HEMGN: variants seen among roughly 807,000 people sequenced by gnomAD.
HEMGN encodes erythroid differentiation-associated gene protein.
HEMGN carries 32 observed loss-of-function variants against 45.7 expected under a neutral mutation model. The observed-to-expected ratio is 0.70, with a 90% CI of 0.53 to 0.94. The LOEUF is 0.94. Ranked by LOEUF, HEMGN falls within the 40% of genes least tolerant of loss-of-function variation. The pLI, the probability that HEMGN is intolerant of heterozygous loss-of-function variation, is 0.00. For synonymous variants in HEMGN, 183 were observed against 178.6 expected, an observed-to-expected ratio of 1.02 and a Z score of -0.20; for missense variants, 530 against 564.2, an observed-to-expected ratio of 0.94 and a Z score of 0.61.
upstream of HEMGN, among the ~76,000 whole-genome samples, chr9:97,940,261 T>C (rs1236314567): frequency 3.9e-5 from 6 of 152,158 alleles, no homozygotes; most frequent in Non-Finnish European, 8.8e-5. Context: ...TGTAGGCTCA[T>C]AGAGGAGAAA....
At position 97,936,152 on chromosome 9, in the gene HEMGN, C is replaced by T; in HGVS notation, c.173+19G>A. 1 of 1,529,248 alleles carries T rather than the reference C, an allele frequency of 6.5e-7. No homozygotes were observed. The allele number at this position is 1,529,248 out of a possible 1,614,324, so 94.7% of individuals were successfully genotyped here. A position where few individuals can be genotyped will look rare whatever the true frequency, so the allele number is the denominator to read the frequency against. On this transcript the variant is annotated intron_variant, in intron 2 of 3. Transcript: ENST00000616898. ...TCAATAAATATATTAGTTCCCTTTC[C>T]CTTGTGATGCTACCATACCCAAATA...
At chr9:97,931,999 G>A (rs1336996052) in intron 2 of HEMGN, among the ~76,000 whole-genome samples, 2 of 152,148 alleles carry the variant, frequency 1.3e-5, no homozygotes, top group Non-Finnish European at 2.9e-5. Flanking sequence ...GGGGCTGGGG[G>A]CTGGGGGAAG....
At chr9:97,943,830 G>A (rs75994805) in intron 1 of HEMGN, among the ~76,000 whole-genome samples, 1 of 151,988 alleles carries the variant, frequency 6.6e-6, no homozygotes, top group African/African-American at 2.4e-5. Flanking sequence ...AATCATCAAT[G>A]ATTTCCTAAT....
At chr9:97,941,676 G>T (rs117913632), upstream of HEMGN, among the ~76,000 whole-genome samples, 363 of 152,354 alleles carry the variant, frequency 2.4e-3, 2 homozygotes, top group Middle Eastern at 0.027. Context: ...AGATCAGGAA[G>T]ATTGGGAGAA....
chr9:97,936,188 T>C lies in HEMGN; in HGVS notation c.156A>G (p.Thr52=). The C allele has an allele frequency of 6.2e-7, 1 of 1,611,718 alleles. No individual in the cohort carries two copies. Residue 52 remains threonine, a synonymous_variant, in exon 2 of 4, where the codon ACA becomes ACG. Transcript: ENST00000616898. ...TACCATACCCAAATAGCCATTGTGA[T>C]GTTTCCTTTTCATGCACTTCAGCTT... ...KRKAEVHEKE[T]SQWLFGEQKK... is the part of the protein sequence containing the mutation.
At position 97,931,023 on chromosome 9, in the gene HEMGN, C is replaced by T. The variant is rs755555750; in HGVS notation, c.372G>A (p.Pro124=). The change falls in exon 3 of 4, where the codon CCG becomes CCA. Residue 124 remains proline (P), a synonymous_variant. Coordinates refer to ENST00000616898, the MANE Select transcript of HEMGN (RefSeq NM_197978.3). ...ITKVFPSVAS[P]QKVVPEEHFS... ...AGTGTTCCTCAGGCACAACTTTTTG[C>T]GGGGAGGCTACTGAAGGAAATACTT... The T allele has an allele frequency of 6.2e-6, 10 of 1,613,914 alleles. No individual in the cohort carries two copies. The highest frequency in any genetic ancestry group is 4.0e-5 in the African/African-American group (3 of 74,888).
At chr9:97,937,904 A>G (rs1827090409) in intron 1 of HEMGN, among the ~76,000 whole-genome samples, 154 bp downstream of exon 1, 2 of 151,904 alleles carry the variant, frequency 1.3e-5, no homozygotes, top group Non-Finnish European at 2.9e-5. Context: ...TTGTTTTACC[A>G]CAGCCATCGA....
chr9:97,927,435 A>G lies in HEMGN; in HGVS notation c.1404T>C (p.Ile468=), dbSNP rs753169450. 4.2e-5 allele frequency: 67 copies of G among 1,610,576 alleles called. No individual in the cohort carries two copies. The South Asian group carries it at 6.7e-4, about 16-fold the overall frequency. ...KPKEEPGIPA[I]LNESHPENDV... ...CATTTTCTGGATGACTCTCATTCAG[A>G]ATTGCTGGTATTCCTGGCTCTTCTT... Residue 468 remains isoleucine, a synonymous_variant, in exon 4 of 4, where the codon ATT becomes ATC. Transcript: ENST00000616898.
chr9:97,934,170 A>T, intron 2 of HEMGN, among the ~76,000 whole-genome samples: 1 of 152,022 alleles, frequency 6.6e-6, no homozygotes, highest in East Asian at 1.9e-4. Flanking sequence ...ATCATGGCGA[A>T]ACCCCGTCTC....
Position 97,930,098 on chromosome 9 carries a change from G to T in HEMGN, c.1297C>A (p.Pro433Thr). The change falls in exon 3 of 4, where the codon CCC becomes ACC. Residue 433 changes from proline to threonine, a missense_variant. By Grantham distance (38) the Pro-to-Thr change is conservative. Coordinates refer to ENST00000616898, the MANE Select transcript of HEMGN (RefSeq NM_197978.3). Reference protein sequence around the residue: ...FPEPHQETGGPQGQDPKAHQE... With the variant: ...FPEPHQETGGTQGQDPKAHQE... ...TGTGCTTTAGGATCCTGGCCTTGGG[G>T]CCCACCTGTTTCTTGGTGTGGTTCT... 6.2e-7 allele frequency: 1 copy of T among 1,614,146 alleles called. No homozygotes were observed. Among genetic ancestry groups the T allele is most frequent in the South Asian group, 1.1e-5 (1 of 91,080 alleles).
At position 97,930,623 on chromosome 9, in the gene HEMGN, G is replaced by A. The variant is rs1193279788; in HGVS notation, c.772C>T (p.Leu258Phe). 6.2e-7 allele frequency: 1 copy of A among 1,614,202 alleles called. No homozygotes were observed. Among genetic ancestry groups the A allele is most frequent in the Admixed American group, 1.7e-5 (1 of 60,024 alleles). ...EDTADLAGCS[L>F]QAYPKPDVPK... ...ACATCTGGTTTTGGATATGCTTGAA[G>A]AGAGCATCCTGCCAGATCAGCTGTG... The change falls in exon 3 of 4, where the codon CTT (leucine) becomes TTT (phenylalanine). Residue 258 changes from leucine to phenylalanine, a missense_variant. Coordinates refer to ENST00000616898, the MANE Select transcript of HEMGN (RefSeq NM_197978.3).
At chr9:97,928,193 A>AT (rs1321003808) in intron 3 of HEMGN, among the ~76,000 whole-genome samples, 13 of 151,930 alleles carry the variant, frequency 8.6e-5, no homozygotes, top group African/African-American at 2.7e-4. Context: ...CGCCCGGCTA[A>AT]TTTTTTGTAA....
In HEMGN at chr9:97,930,482, C is replaced by T; in HGVS notation, c.913G>A (p.Ala305Thr). 6.2e-7 allele frequency: 1 copy of T among 1,614,030 alleles called. No homozygotes were observed. Among genetic ancestry groups the T allele is most frequent in the Non-Finnish European group, 8.5e-7 (1 of 1,179,956 alleles). ...EGLFPKIQEI[A>T]EPKDLSTKTH... ...TTTGTAGAAAGGTCTTTAGGCTCAG[C>T]TATTTCTTGTATTTTAGGAAAAAGG... The change falls in exon 3 of 4, where the codon GCT becomes ACT. Residue 305 changes from alanine to threonine, a missense_variant. Ala to Thr is a moderately conservative substitution (Grantham distance 58). Transcript: ENST00000616898.
chr9:97,944,667 G>C (rs1190511189), intron 1 of HEMGN: 1 of 152,194 alleles, frequency 6.6e-6, no homozygotes, highest in African/African-American at 2.4e-5. Flanking sequence ...GCAGAATAAA[G>C]ACTAAATTTC....
rs1826917924 is a variant in HEMGN, at chr9:97,930,267, C to T, written c.1128G>A (p.Gly376=). 2 of 1,613,938 alleles carry T rather than the reference C, an allele frequency of 1.2e-6. No homozygotes were observed. The highest frequency in any genetic ancestry group is 2.2e-5 in the East Asian group (1 of 44,894). The change falls in exon 3 of 4, where the codon GGG becomes GGA. Residue 376 remains glycine, a synonymous_variant. Transcript: ENST00000616898. ...ATATTTCAGGTGAATATTCTTCAAGCCCAGGTATTTCTTGATACGTTTCAG... is the reference window on the plus strand; with the variant it reads ...ATATTTCAGGTGAATATTCTTCAAGTCCAGGTATTTCTTGATACGTTTCAG... ...YSPETYQEIP[G]LEEYSPEIYQ... is the part of the protein sequence containing the mutation.
rs1016714176 is a variant in HEMGN, at chr9:97,930,096, G to A, written c.1299C>T (p.Pro433=). Reference sequence around the variant, plus strand: ...GGTGTGCTTTAGGATCCTGGCCTTGGGGCCCACCTGTTTCTTGGTGTGGTT... The same window carrying A: ...GGTGTGCTTTAGGATCCTGGCCTTGAGGCCCACCTGTTTCTTGGTGTGGTT... The part of the protein sequence containing the change: ...FPEPHQETGG[P]QGQDPKAHQE... The change falls in exon 3 of 4, where the codon CCC becomes CCT. Residue 433 remains proline, a synonymous_variant. Transcript: ENST00000616898. The A allele has an allele frequency of 2.5e-6, 4 of 1,614,096 alleles. No homozygotes were observed. The highest frequency in any genetic ancestry group is 3.4e-6 in the Non-Finnish European group (4 of 1,180,014).
At chr9:97,931,284 T>A in intron 2 of HEMGN, 63 bp from the exon 3 acceptor site, 3 of 1,296,868 alleles carry the variant, frequency 2.3e-6, no homozygotes, top group Non-Finnish European at 3.2e-6. Context: ...ATGCTTGTAA[T>A]AACAGTGCCA....
chr9:97,935,247 C>G (rs560709555), intron 2 of HEMGN, among the ~76,000 whole-genome samples: 1 of 152,280 alleles, frequency 6.6e-6, no homozygotes, highest in East Asian at 1.9e-4. Context: ...AGTGCTCAGT[C>G]CACAGCGGGG....
At position 97,931,208 on chromosome 9, in the gene HEMGN, GT is replaced by G. The variant is rs750485705; in HGVS notation, c.186del (p.Lys62AsnfsTer23). On this transcript the variant is annotated frameshift_variant, in exon 3 of 4. Coordinates refer to ENST00000616898, the MANE Select transcript of HEMGN (RefSeq NM_197978.3). LOFTEE classifies it high-confidence loss of function. ...CCTTTTCCTGTTCTCTGCTGCTTGCGTTTTTTCTGTTCTCTGCAGAAAGAAC... is the reference window on the plus strand; with the variant it reads ...CCTTTTCCTGTTCTCTGCTGCTTGCGTTTTTCTGTTCTCTGCAGAAAGAAC... ...TSQWLFGEQK[K>X]RKQQRTGKGN... 2.8e-5 allele frequency: 45 copies of G among 1,601,582 alleles called. No individual in the cohort carries two copies. In the South Asian group the frequency reaches 4.8e-4, roughly 17 times the overall value.
Sources: allele counts gnomAD v4.1 joint callset (sites outside exome capture counted in the v4.1 genomes callset), GRCh38; gene constraint gnomAD v4.1.1; transcripts MANE v1.5; gene names NCBI Gene and HGNC (gene_info 2026-07-23, HGNC 2026-07-21).